Variants in CLRN1 observed in about 807,000 individuals in gnomAD.
The protein encoded by CLRN1 is clarin-1.
Under a neutral mutation model 18.7 loss-of-function variants are expected in CLRN1, and 15 were observed. The ratio of observed to expected loss-of-function variants is 0.80; its 90% CI spans 0.54 to 1.23. The LOEUF (loss-of-function observed/expected upper bound fraction) is 1.23. CLRN1 is among the 50% of genes most tolerant of loss of function. CLRN1 has a pLI of 0.00. For missense variants in CLRN1, 311 were observed against 277.5 expected, an observed-to-expected ratio of 1.12 and a Z score of -0.86; for synonymous variants, 104 against 102.9, an observed-to-expected ratio of 1.01 and a Z score of -0.07.
rs1715235094 is a variant in CLRN1 at position 150,965,798 on chromosome 3, TGC to T, written c.253+6656_253+6657del. ...TAAAGGGAAGGAAGGTATATGGGTG[TGC>T]GTGTGCACATGTGCTTACAAGTAAA... On this transcript the variant is annotated intron_variant, in intron 1 of 2. Coordinates refer to ENST00000327047, the MANE Select transcript of CLRN1 (RefSeq NM_174878.3). 2.0e-5 allele frequency among the ~76,000 whole-genome samples: 3 copies of T among 151,738 alleles called. No homozygotes were observed. In the South Asian group the frequency reaches 6.2e-4, roughly 32 times the overall value.
chr3:150,951,076 C>T (rs150798085), intron 1 of CLRN1, among the ~76,000 whole-genome samples: 1,990 of 152,058 alleles, frequency 0.013, 41 homozygotes, highest in African/African-American at 0.045. Flanking sequence ...CTCACTTATA[C>T]GTGGGAGCTA....
intron 1 of CLRN1, among the ~76,000 whole-genome samples, chr3:150,950,491 A>C (rs1249310321): frequency 6.6e-6 from 1 of 152,234 alleles, no homozygotes; most frequent in Non-Finnish European, 1.5e-5. Context: ...AAAAGTGGGC[A>C]AAGGACATGA....
intron 1 of CLRN1, among the ~76,000 whole-genome samples, chr3:150,954,176 C>T (rs141775134): frequency 7.3e-4 from 111 of 152,284 alleles, no homozygotes; most frequent in Non-Finnish European, 9.6e-4. Context: ...CCATCCTCTA[C>T]CCCCAGGTCC....
In CLRN1 at chr3:150,932,921, T is replaced by C. The variant is rs113609477; in HGVS notation, c.434-4720A>G. On this transcript the variant is annotated intron_variant, in intron 2 of 2. Transcript: ENST00000327047. ...AGATGTAGATGAAGGAATAACACCA[T>C]TGGGTCTAGCCTTTTCACTTTATCT... is the stretch of plus-strand genomic sequence containing the variant. Among the ~76,000 whole-genome samples, 34 of 152,326 alleles carry C rather than the reference T, an allele frequency of 2.2e-4. 1 individual carries two copies. The highest frequency in any genetic ancestry group is 7.2e-4 in the African/African-American group (30 of 41,588).
rs1576631386 is a variant in CLRN1 at position 150,941,364 on chromosome 3, G to A, written c.433+218C>T. 4 of 503,800 alleles carry A rather than the reference G, an allele frequency of 7.9e-6. No individual in the cohort carries two copies. The Admixed American group carries it at 1.1e-4, about 13-fold the overall frequency. 31.2% of individuals were successfully genotyped at this position (503,800 alleles called of 1,614,324 possible). On this transcript the variant is annotated intron_variant, in intron 2 of 2. Coordinates refer to ENST00000327047, the MANE Select transcript of CLRN1 (RefSeq NM_174878.3). ...TACATCTTCAAAAATATAATTTAAT[G>A]TCAGCATCACAGTTATTCATATAGA... is the stretch of plus-strand genomic sequence containing the variant.
At chr3:150,943,885 C>T (rs1714006799) in intron 1 of CLRN1, 4 of 1,614,100 alleles carry the variant, frequency 2.5e-6, no homozygotes, top group Non-Finnish European at 3.4e-6. Flanking sequence ...CAGCTGGTTC[C>T]TGCACTCGTT....
chr3:150,968,098 T>C (rs1386996150), intron 1 of CLRN1, among the ~76,000 whole-genome samples: 4 of 152,164 alleles, frequency 2.6e-5, no homozygotes, highest in Non-Finnish European at 5.9e-5. Flanking sequence ...TTTAAGAAAA[T>C]AATTCCATAT....
chr3:150,942,066 A>G (rs1408636130), intron 1 of CLRN1, among the ~76,000 whole-genome samples: 2 of 152,130 alleles, frequency 1.3e-5, no homozygotes, highest in Admixed American at 6.5e-5. Flanking sequence ...GTACATTTTA[A>G]TAACCAAGCC....
chr3:150,928,666 A>G (rs1712965524), intron 2 of CLRN1, among the ~76,000 whole-genome samples: 3 of 152,236 alleles, frequency 2.0e-5, no homozygotes, highest in Non-Finnish European at 2.9e-5. Flanking sequence ...GAAAGGCCCC[A>G]GCCTCCCTTC....
chr3:150,960,861 T>C (rs900142105), intron 1 of CLRN1, among the ~76,000 whole-genome samples: 2 of 152,232 alleles, frequency 1.3e-5, no homozygotes, highest in African/African-American at 4.8e-5. Flanking sequence ...ACCCACGCAG[T>C]CACAGACAGG....
chr3:150,931,705 A>G (rs1030585392), intron 2 of CLRN1, among the ~76,000 whole-genome samples: 12 of 152,174 alleles, frequency 7.9e-5, no homozygotes, highest in Admixed American at 2.6e-4. Context: ...GTGGGTTTTC[A>G]TTCATACTCT....
chr3:150,972,809 C>T (rs1213394703), upstream of CLRN1: 6 of 1,542,180 alleles, frequency 3.9e-6, no homozygotes, highest in Middle Eastern at 2.0e-4. Flanking sequence ...GGAAGCTGAA[C>T]GGACAGCTCC....
chr3:150,941,601 G>A lies in CLRN1; in HGVS notation c.414C>T (p.Tyr138=), dbSNP rs749786896. The change falls in exon 2 of 3, where the codon TAC becomes TAT. Residue 138 remains tyrosine (Y), a synonymous_variant. Coordinates refer to ENST00000327047, the MANE Select transcript of CLRN1 (RefSeq NM_174878.3). ...ACTTACCTGAAATGAAGCTCAAAAG[G>A]TACAGCCCTAGGGGACCATGCAGAG... ...FETLHGPLGL[Y]LLSFISGSCG... 16 of 1,613,862 alleles carry A rather than the reference G, an allele frequency of 9.9e-6. No homozygotes were observed. Among genetic ancestry groups the A allele is most frequent in the African/African-American group, 1.3e-5 (1 of 74,892 alleles).
chr3:150,966,053 C>T (rs558199953), intron 1 of CLRN1, among the ~76,000 whole-genome samples: 99 of 152,332 alleles, frequency 6.5e-4, no homozygotes, highest in Non-Finnish European at 8.8e-5. Flanking sequence ...GGCGTAGTGG[C>T]TTATGCCCAT....
upstream of CLRN1, chr3:150,972,942 A>C: frequency 1.5e-6 from 1 of 653,944 alleles, no homozygotes; most frequent in South Asian, 1.6e-5. Flanking sequence ...CCTAATTGGA[A>C]ATCTTTGGAC....
At chr3:150,928,395 C>T (rs1482748965) in intron 2 of CLRN1, among the ~76,000 whole-genome samples, 194 bp from the exon 3 acceptor site, 2 of 152,186 alleles carry the variant, frequency 1.3e-5, no homozygotes, top group Non-Finnish European at 2.9e-5. Flanking sequence ...GGTTATGGTT[C>T]TGCTCTGAGT....
At chr3:150,948,545 G>A (rs1356649777) in intron 1 of CLRN1, among the ~76,000 whole-genome samples, 2 of 147,192 alleles carry the variant, frequency 1.4e-5, no homozygotes, top group African/African-American at 2.5e-5. Context: ...TGATCCCACG[G>A]AAATAAAAAC....
chr3:150,943,874 C>G, intron 1 of CLRN1: 1 of 1,614,126 alleles, frequency 6.2e-7, no homozygotes, highest in South Asian at 1.1e-5. Flanking sequence ...ACTAAAGCAG[C>G]CAGCTGGTTC....
Position 150,927,876 on chromosome 3 carries a change from A to C in CLRN1, c.*60T>G. On this transcript the variant is annotated 3_prime_UTR_variant, in exon 3 of 3. Coordinates refer to ENST00000327047, the MANE Select transcript of CLRN1 (RefSeq NM_174878.3). ...ACTAAAAGGATATGCAAAATTAACC[A>C]CATCTAAAAGTGACCAAAGCAAGTC... 1 of 1,596,174 alleles carries C rather than the reference A, an allele frequency of 6.3e-7. No homozygotes were observed. The highest frequency in any genetic ancestry group is 8.6e-7 in the Non-Finnish European group (1 of 1,165,004).
Sources: allele counts gnomAD v4.1 joint callset (sites outside exome capture counted in the v4.1 genomes callset), GRCh38; gene constraint gnomAD v4.1.1; transcripts MANE v1.5; gene names NCBI Gene and HGNC (gene_info 2026-07-23, HGNC 2026-07-21).